Variants in NRXN3 observed in about 807,000 individuals in gnomAD.
NRXN3 encodes the protein neurexin 3, also known as neurexin III.
Under a neutral mutation model 137.6 loss-of-function variants are expected in NRXN3, and 32 were observed. The observed-to-expected ratio is 0.23, with a 90% CI of 0.18 to 0.31. The LOEUF is 0.31. Ranked by LOEUF, NRXN3 falls within the 10% of genes least tolerant of loss-of-function variation. NRXN3 has a pLI of 1.00. For synonymous variants in NRXN3, 798 were observed against 784.5 expected, an observed-to-expected ratio of 1.02 and a Z score of -0.29; for missense variants, 1,574 against 2,062.5, an observed-to-expected ratio of 0.76 and a Z score of 4.59.
chr14:79,728,088 G>A (rs551996734), intron 19 of NRXN3, among the ~76,000 whole-genome samples: 3 of 152,250 alleles, frequency 2.0e-5, no homozygotes, highest in South Asian at 2.1e-4. Flanking sequence ...TACACAACCC[G>A]ACTTCTGTTG....
intron 15 of NRXN3, among the ~76,000 whole-genome samples, chr14:79,458,264 A>G (rs2096282540): frequency 6.6e-6 from 1 of 152,206 alleles, no homozygotes; most frequent in Non-Finnish European, 1.5e-5. Flanking sequence ...CCAAAAATTC[A>G]CCAAAGAAAA....
At position 78,549,843 on chromosome 14, in the gene NRXN3, C is replaced by A. The variant is rs555071573; in HGVS notation, c.758-95277C>A. Among the ~76,000 whole-genome samples the A allele has an allele frequency of 9.9e-5, 15 of 152,130 alleles. No individual in the cohort carries two copies. In the South Asian group the frequency reaches 3.1e-3, roughly 32 times the overall value. On this transcript the variant is annotated intron_variant, in intron 4 of 20. Transcript: ENST00000335750. ...TCCAGTATTCATTTCTTCCTTGGGT[C>A]CTGGCCTACTCCTTCCTTTTCTCTC...
intron 4 of NRXN3, among the ~76,000 whole-genome samples, chr14:78,548,502 A>C (rs148370885): frequency 3.9e-5 from 6 of 152,318 alleles, no homozygotes; most frequent in Non-Finnish European, 8.8e-5. Flanking sequence ...TTTTTTAAAA[A>C]ATAAACTCCA....
chr14:79,719,709 T>A (rs1483472581), intron 19 of NRXN3, among the ~76,000 whole-genome samples: 1 of 152,058 alleles, frequency 6.6e-6, no homozygotes, highest in Non-Finnish European at 1.5e-5. Context: ...TTTCTTTCCT[T>A]CCTTATCTAC....
intron 11 of NRXN3, among the ~76,000 whole-genome samples, chr14:78,963,662 A>G (rs1567836261): frequency 6.6e-6 from 1 of 152,126 alleles, no homozygotes; most frequent in Non-Finnish European, 1.5e-5. Context: ...TTTGATTTTT[A>G]TATTTAAGTT....
chr14:79,865,151 A>C lies in NRXN3; in HGVS notation c.*3187A>C, dbSNP rs1288286618. ...TAAAACTATGTTCACATAGTGCCATAAGCACTAGAAAGTCTTAGATGTCTT... is the reference window on the plus strand; with the variant it reads ...TAAAACTATGTTCACATAGTGCCATCAGCACTAGAAAGTCTTAGATGTCTT... On this transcript the variant is annotated 3_prime_UTR_variant, in exon 21 of 21. Transcript: ENST00000335750. 1 of 152,214 alleles carries C rather than the reference A, an allele frequency of 6.6e-6. No individual in the cohort carries two copies. The highest frequency in any genetic ancestry group is 1.9e-4 in the East Asian group (1 of 5,200). 9.4% of individuals were successfully genotyped at this position (152,214 alleles called of 1,614,324 possible).
intron 19 of NRXN3, among the ~76,000 whole-genome samples, chr14:79,710,378 G>GTGTT (rs1402712077): frequency 1.3e-5 from 2 of 152,162 alleles, no homozygotes; most frequent in African/African-American, 4.8e-5. Context: ...ATCTATTTAT[G>GTGTT]TGTTGTATAA....
intron 15 of NRXN3, chr14:79,298,649 C>T (rs966668627): frequency 6.6e-6 from 1 of 151,990 alleles, no homozygotes; most frequent in African/African-American, 2.4e-5. Flanking sequence ...TTTTTTTCTT[C>T]TAGCGTAATC....
intron 15 of NRXN3, among the ~76,000 whole-genome samples, chr14:79,089,673 T>C (rs936298381): frequency 2.4e-4 from 19 of 78,884 alleles, no homozygotes; most frequent in African/African-American, 9.3e-4. Context: ...GGCAAGATGT[T>C]ACTAAAATCA....
At chr14:78,205,033 G>A (rs968266431) in intron 1 of NRXN3, among the ~76,000 whole-genome samples, 39 of 152,282 alleles carry the variant, frequency 2.6e-4, no homozygotes, top group African/African-American at 8.4e-4. Flanking sequence ...GTTGATGGGG[G>A]CACAGGTAGT....
chr14:78,324,195 G>A (rs933988483), intron 4 of NRXN3, among the ~76,000 whole-genome samples: 11 of 152,022 alleles, frequency 7.2e-5, no homozygotes, highest in African/African-American at 1.9e-4. Context: ...TGTATTATGG[G>A]GATAAACCCG....
At chr14:79,603,307 G>C (rs1368930375) in intron 16 of NRXN3, among the ~76,000 whole-genome samples, 1 of 152,216 alleles carries the variant, frequency 6.6e-6, no homozygotes, top group African/African-American at 2.4e-5. Context: ...GTATTTGGTA[G>C]CTAATACATC....
chr14:79,351,877 G>A (rs2093225530), intron 15 of NRXN3, among the ~76,000 whole-genome samples: 1 of 152,154 alleles, frequency 6.6e-6, no homozygotes, highest in African/African-American at 2.4e-5. Flanking sequence ...ATATCAAACA[G>A]TATATCATCT....
At chr14:78,416,514 A>C (rs1337986532) in intron 4 of NRXN3, among the ~76,000 whole-genome samples, 1 of 152,234 alleles carries the variant, frequency 6.6e-6, no homozygotes, top group Non-Finnish European at 1.5e-5. Context: ...GGGATAATTT[A>C]ACCCTCAAAT....
chr14:79,499,956 C>CTTGTGTGTGTGTGT (rs60538373), intron 16 of NRXN3, among the ~76,000 whole-genome samples: 2 of 145,140 alleles, frequency 1.4e-5, no homozygotes, highest in African/African-American at 5.1e-5. Flanking sequence ...ATCTTAGGGT[C>CTTGTGTGTGTGTGT]GTGTGTGTGT....
Position 79,759,551 on chromosome 14 carries a change from T to C in NRXN3, c.4015-45561T>C, listed in dbSNP as rs1428433287. On this transcript the variant is annotated intron_variant, in intron 19 of 20. Coordinates refer to ENST00000335750, the MANE Select transcript of NRXN3 (RefSeq NM_001330195.2). ...AAGGAGAGCAAATTCCTCCTAGAAGTCTTATTTCTACTTCTAATGACAATT... is the reference window on the plus strand; with the variant it reads ...AAGGAGAGCAAATTCCTCCTAGAAGCCTTATTTCTACTTCTAATGACAATT... Among the ~76,000 whole-genome samples the C allele has an allele frequency of 1.3e-5, 2 of 151,716 alleles. 1 individual carries two copies. The highest frequency in any genetic ancestry group is 4.9e-5 in the African/African-American group (2 of 40,996).
At chr14:79,036,897 T>A (rs2099617032) in intron 15 of NRXN3, among the ~76,000 whole-genome samples, 1 of 152,010 alleles carries the variant, frequency 6.6e-6, no homozygotes, top group Non-Finnish European at 1.5e-5. Flanking sequence ...ACCTTATAAA[T>A]GACAAAATTT....
intron 14 of NRXN3, among the ~76,000 whole-genome samples, chr14:78,986,201 G>T (rs182038592): frequency 6.6e-6 from 1 of 152,198 alleles, no homozygotes; most frequent in Non-Finnish European, 1.5e-5. Flanking sequence ...TGCTGTTATT[G>T]CAATGGTAAT....
intron 6 of NRXN3, among the ~76,000 whole-genome samples, chr14:78,687,196 C>T (rs1313472932): frequency 6.6e-6 from 1 of 152,094 alleles, no homozygotes; most frequent in Non-Finnish European, 1.5e-5. Flanking sequence ...AGCCTTTAAG[C>T]CATGGTAAGA....
Sources: allele counts gnomAD v4.1 joint callset (sites outside exome capture counted in the v4.1 genomes callset), GRCh38; gene constraint gnomAD v4.1.1; transcripts MANE v1.5; gene names NCBI Gene and HGNC (gene_info 2026-07-23, HGNC 2026-07-21).